PDE3A: variants seen among roughly 807,000 people sequenced by gnomAD.
The protein encoded by PDE3A is phosphodiesterase 3A.
A neutral mutation model predicts 98.3 loss-of-function variants in PDE3A; 43 were observed. That is an observed-to-expected ratio of 0.44 (90% confidence interval 0.34 to 0.56). The LOEUF is 0.56. PDE3A is among the 20% of genes least tolerant of loss of function. PDE3A has a pLI of 0.01. For missense variants in PDE3A, 1,427 were observed against 1,440.7 expected (o/e 0.99, Z 0.15); for synonymous variants, 663 against 567.9 (o/e 1.17, Z -2.38).
chr12:20,508,061 C>G (rs1441505041), intron 1 of PDE3A, among the ~76,000 whole-genome samples: 1 of 152,040 alleles, frequency 6.6e-6, no homozygotes, highest in East Asian at 1.9e-4. Flanking sequence ...TACCTCATCT[C>G]TCATTACCTT....
intron 1 of PDE3A, among the ~76,000 whole-genome samples, chr12:20,471,407 T>C (rs1296416624): frequency 6.6e-6 from 1 of 152,004 alleles, no homozygotes; most frequent in Non-Finnish European, 1.5e-5. Context: ...CCCAGGTGAG[T>C]CTAACATGTA....
Position 20,680,378 on chromosome 12 carries a change from A to G in PDE3A, c.*107A>G. On this transcript the variant is annotated 3_prime_UTR_variant, in exon 16 of 16. Transcript: ENST00000359062. The stretch of plus-strand genomic sequence containing the variant: ...CACTGTAGAAATTTGAGATGGGCAA[A>G]TGGCTATTGCATTTTGGGATTCTTC... 1 of 1,134,858 alleles carries G rather than the reference A, an allele frequency of 8.8e-7. No individual in the cohort carries two copies. The highest frequency in any genetic ancestry group is 1.3e-6 in the Non-Finnish European group (1 of 791,384). The allele number at this position is 1,134,858 out of a possible 1,614,324, so 70.3% of individuals were successfully genotyped here.
chr12:20,433,295 C>T (rs1944727690), intron 1 of PDE3A, among the ~76,000 whole-genome samples: 2 of 152,210 alleles, frequency 1.3e-5, no homozygotes, highest in South Asian at 4.1e-4. Flanking sequence ...GACAGCTCAC[C>T]CTGCCCCTTA....
intron 2 of PDE3A, among the ~76,000 whole-genome samples, chr12:20,565,521 G>A (rs1287935689): frequency 1.3e-5 from 2 of 151,944 alleles, no homozygotes; most frequent in Admixed American, 1.3e-4. Context: ...CTAAGACTAG[G>A]ATGTATTAAC....
rs776102615 is a variant in PDE3A, at chr12:20,637,132, C to T, written c.2034C>T (p.Val678=). 1.2e-6 allele frequency: 2 copies of T among 1,609,320 alleles called. No individual in the cohort carries two copies. The highest frequency in any genetic ancestry group is 2.2e-5 in the East Asian group (1 of 44,630). The change falls in exon 9 of 16, where the codon GTC becomes GTT. Residue 678 remains valine, a synonymous_variant. Transcript: ENST00000359062. ...CAATTCTTGCTCCCGAACCTCTTGT[C>T]ATGGATAACCTGGACTCAATTATGG... ...DKPILAPEPL[V]MDNLDSIMEQ... is the part of the protein sequence containing the mutation.
At chr12:20,547,417 A>G (rs1942087493) in intron 1 of PDE3A, among the ~76,000 whole-genome samples, 1 of 152,218 alleles carries the variant, frequency 6.6e-6, no homozygotes, top group Admixed American at 6.5e-5. Context: ...TGCTTTGCAC[A>G]TAATATGCAT....
At position 20,369,202 on chromosome 12, in the gene PDE3A, T is replaced by G; in HGVS notation, c.-83T>G. On this transcript the variant is annotated 5_prime_UTR_variant, in exon 1 of 16. Coordinates refer to ENST00000359062, the MANE Select transcript of PDE3A (RefSeq NM_000921.5). Reference sequence around the variant, plus strand: ...AAGAGCGTGCGTGCGTGTGTGTGTGTGTGTGTGTGCGCGCGCGCGCGTGGG... The same window carrying G: ...AAGAGCGTGCGTGCGTGTGTGTGTGGGTGTGTGTGCGCGCGCGCGCGTGGG... 3 of 852,686 alleles carry G rather than the reference T, an allele frequency of 3.5e-6. No homozygotes were observed. The highest frequency in any genetic ancestry group is 5.3e-6 in the Non-Finnish European group (3 of 561,108). The allele number at this position is 852,686 out of a possible 1,614,324, so 52.8% of individuals were successfully genotyped here. A position where few individuals can be genotyped will look rare whatever the true frequency, so the allele number is the denominator to read the frequency against.
chr12:20,584,998 CT>C (rs1943158480), intron 2 of PDE3A, among the ~76,000 whole-genome samples: 1 of 152,164 alleles, frequency 6.6e-6, no homozygotes, highest in South Asian at 2.1e-4. Context: ...TACGTTAGAA[CT>C]TTTTGCTCAT....
intron 1 of PDE3A, among the ~76,000 whole-genome samples, chr12:20,549,400 TA>T (rs139027564): frequency 4.8e-3 from 655 of 136,018 alleles, no homozygotes; most frequent in Non-Finnish European, 5.2e-3. Flanking sequence ...TTCTTTGCAT[TA>T]AAAAAAAAAA....
rs181306800 is a variant in PDE3A, at chr12:20,637,019, T to C, written c.2002-81T>C. The C allele has an allele frequency of 9.1e-6, 8 of 875,760 alleles. No individual in the cohort carries two copies. The Admixed American group carries it at 1.8e-4, about 19-fold the overall frequency. 54.2% of individuals were successfully genotyped at this position (875,760 alleles called of 1,614,324 possible). A position where few individuals can be genotyped will look rare whatever the true frequency, so the allele number is the denominator to read the frequency against. ...GTCATTTATTTCCGATAGCCACAGT[T>C]GTTATTGAATTTAGCAAAGCACAAA... On this transcript the variant is annotated intron_variant, in intron 8 of 15. Coordinates refer to ENST00000359062, the MANE Select transcript of PDE3A (RefSeq NM_000921.5).
chr12:20,639,774 G>A, intron 9 of PDE3A, 72 bp from the exon 10 acceptor site: 1 of 712,678 alleles, frequency 1.4e-6, no homozygotes, highest in South Asian at 1.6e-5. Context: ...TATTTACCTA[G>A]TTTCACCACT....
intron 2 of PDE3A, among the ~76,000 whole-genome samples, chr12:20,602,720 G>A (rs746472434): frequency 1.3e-5 from 2 of 152,128 alleles, no homozygotes; most frequent in African/African-American, 2.4e-5. Context: ...AAATCCAAAT[G>A]TAAACTCATA....
chr12:20,679,745 C>G (rs554785698), intron 15 of PDE3A, among the ~76,000 whole-genome samples: 31 of 151,906 alleles, frequency 2.0e-4, no homozygotes, highest in African/African-American at 7.5e-4. Context: ...CAGAATCTTG[C>G]ACTGAACATT....
At chr12:20,418,508 C>T (rs1276476476) in intron 1 of PDE3A, among the ~76,000 whole-genome samples, 1 of 152,074 alleles carries the variant, frequency 6.6e-6, no homozygotes, top group Non-Finnish European at 1.5e-5. Context: ...CTTTCCTCAG[C>T]CGTTTCATTT....
chr12:20,399,190 C>T (rs750942942), intron 1 of PDE3A, among the ~76,000 whole-genome samples: 5 of 152,076 alleles, frequency 3.3e-5, no homozygotes, highest in Admixed American at 2.0e-4. Context: ...CCATTATATA[C>T]GTATGCCATA....
At chr12:20,542,040 T>C (rs1165479704) in intron 1 of PDE3A, among the ~76,000 whole-genome samples, 1 of 152,064 alleles carries the variant, frequency 6.6e-6, no homozygotes, top group Non-Finnish European at 1.5e-5. Flanking sequence ...GGCTAGTATA[T>C]ATTGTAGTCC....
At chr12:20,446,238 G>C (rs1468507430) in intron 1 of PDE3A, among the ~76,000 whole-genome samples, 1 of 152,124 alleles carries the variant, frequency 6.6e-6, no homozygotes, top group Non-Finnish European at 1.5e-5. Flanking sequence ...CTTAAGTCGT[G>C]AGAAAATGTC....
chr12:20,372,929 A>C (rs1943504102), intron 1 of PDE3A, among the ~76,000 whole-genome samples: 1 of 152,108 alleles, frequency 6.6e-6, no homozygotes, highest in Admixed American at 6.5e-5. Context: ...GTGGCTGGTT[A>C]CTGATGAACT....
chr12:20,687,133 T>C lies in PDE3A; in HGVS notation c.*6862T>C, dbSNP rs1205610498. On this transcript the variant is annotated 3_prime_UTR_variant, in exon 16 of 16. Coordinates refer to ENST00000359062, the MANE Select transcript of PDE3A (RefSeq NM_000921.5). ...CCCTAAAAAAGGCAAAATACTCAGA[T>C]GTTCAATGTGAAATTACAAATAGTT... Among the ~76,000 whole-genome samples, 3 of 152,134 alleles carry C rather than the reference T, an allele frequency of 2.0e-5. No individual in the cohort carries two copies. The highest frequency in any genetic ancestry group is 2.9e-5 in the Non-Finnish European group (2 of 67,976).
Sources: allele counts gnomAD v4.1 joint callset (sites outside exome capture counted in the v4.1 genomes callset), GRCh38; gene constraint gnomAD v4.1.1; transcripts MANE v1.5; gene names NCBI Gene and HGNC (gene_info 2026-07-23, HGNC 2026-07-21).